The following ADPRM variants were observed in gnomAD, a reference collection of about 807,000 sequenced individuals.
ADPRM encodes ADP-ribose/CDP-alcohol diphosphatase, manganese dependent, also known as manganese-dependent ADP-ribose/CDP-alcohol diphosphatase.
A neutral mutation model predicts 27.2 loss-of-function variants in ADPRM; 17 were observed. The observed-to-expected ratio is 0.63, with a 90% CI of 0.43 to 0.94. The LOEUF (loss-of-function observed/expected upper bound fraction) is 0.94, where lower values mean the gene tolerates loss of function less well. Ranked by LOEUF, ADPRM falls within the 40% of genes least tolerant of loss-of-function variation. ADPRM has a pLI of 0.00. For synonymous variants in ADPRM, 135 were observed against 145.3 expected, an observed-to-expected ratio of 0.93 and a Z score of 0.51; for missense variants, 337 against 412.8, an observed-to-expected ratio of 0.82 and a Z score of 1.59.
chr17:10,704,468 ATG>A (rs1301746786), intron 1 of ADPRM, among the ~76,000 whole-genome samples: 2 of 144,232 alleles, frequency 1.4e-5, no homozygotes, highest in African/African-American at 5.2e-5. Flanking sequence ...CAGTGAATGA[ATG>A]TAATACACAG....
intron 3 of ADPRM, among the ~76,000 whole-genome samples, chr17:10,707,876 T>C (rs2074823906): frequency 6.6e-6 from 1 of 152,230 alleles, no homozygotes; most frequent in Non-Finnish European, 1.5e-5. Flanking sequence ...CAAGCGTGTA[T>C]GTGCGCATGG....
At chr17:10,709,025 C>T (rs573067141) in intron 3 of ADPRM, among the ~76,000 whole-genome samples, 3 of 152,176 alleles carry the variant, frequency 2.0e-5, no homozygotes, top group East Asian at 3.8e-4. Context: ...CTTTTAAAAA[C>T]GGAATGATTG....
intron 1 of ADPRM, chr17:10,699,307 G>T (rs1758738944): frequency 6.6e-6 from 1 of 151,846 alleles, no homozygotes; most frequent in South Asian, 2.1e-4. Flanking sequence ...ATAGTTCCTG[G>T]CTCAAAGTAG....
chr17:10,704,486 CAAAAA>C (rs201571510), intron 1 of ADPRM, among the ~76,000 whole-genome samples: 6 of 76,748 alleles, frequency 7.8e-5, no homozygotes, highest in African/African-American at 2.4e-4. Context: ...CACAGCTTTC[CAAAAA>C]AAAAAAAAAA....
intron 1 of ADPRM, among the ~76,000 whole-genome samples, chr17:10,700,185 C>G (rs2074767109): frequency 6.6e-6 from 1 of 152,194 alleles, no homozygotes; most frequent in African/African-American, 2.4e-5. Flanking sequence ...TCTAGACTTT[C>G]CCTGCTGCCC....
Position 10,702,310 on chromosome 17 carries a change from G to T in ADPRM, c.-17-2600G>T, listed in dbSNP as rs1480626781. Among the ~76,000 whole-genome samples, 3 of 152,162 alleles carry T rather than the reference G, an allele frequency of 2.0e-5. No individual in the cohort carries two copies. The highest frequency in any genetic ancestry group is 2.9e-5 in the Non-Finnish European group (2 of 68,022). On this transcript the variant is annotated intron_variant, in intron 1 of 3. Transcript: ENST00000379774. The surrounding 1 kb of genome is among the most constrained non-coding windows in gnomAD (Gnocchi z 4.2). ...TCCACATTAACTTTCCTTAAAAATT[G>T]CCAGTTCTTAGGATAGCCTTGAGTT...
intron 3 of ADPRM, among the ~76,000 whole-genome samples, chr17:10,707,890 C>G (rs193113524): frequency 6.6e-6 from 1 of 152,138 alleles, no homozygotes; most frequent in Non-Finnish European, 1.5e-5. Flanking sequence ...CGCATGGGCA[C>G]GTGAAAACAT....
chr17:10,697,760 CT>C, intron 1 of ADPRM, 93 bp downstream of exon 1: 1 of 568,644 alleles, frequency 1.8e-6, no homozygotes, highest in Non-Finnish European at 3.1e-6. Flanking sequence ...AGGGGGCTGC[CT>C]TAGGGGTCCA....
Position 10,698,202 on chromosome 17 carries a change from A to G in ADPRM, c.-18+535A>G, listed in dbSNP as rs866374809. 9 of 152,330 alleles carry G rather than the reference A, an allele frequency of 5.9e-5. No homozygotes were observed. In the South Asian group the frequency reaches 6.2e-4, roughly 10 times the overall value. The allele number at this position is 152,330 out of a possible 1,614,324, so 9.4% of individuals were successfully genotyped here. A position where few individuals can be genotyped will look rare whatever the true frequency, so the allele number is the denominator to read the frequency against. On this transcript the variant is annotated intron_variant, in intron 1 of 3. Coordinates refer to ENST00000379774, the MANE Select transcript of ADPRM (RefSeq NM_020233.5). Reference sequence around the variant, plus strand: ...TGTGTAAAGAAATATAGACAGCATGATATCCCATCCGTTAACTTAGTCTTC... The same window carrying G: ...TGTGTAAAGAAATATAGACAGCATGGTATCCCATCCGTTAACTTAGTCTTC...
At chr17:10,699,514 CTTTCTT>C (rs1232579976) in intron 1 of ADPRM, among the ~76,000 whole-genome samples, 2 of 137,422 alleles carry the variant, frequency 1.5e-5, no homozygotes, top group African/African-American at 5.4e-5. Flanking sequence ...TTTTTCTTTT[CTTTCTT>C]TTTTTTTTTT....
At chr17:10,701,855 A>G (rs545841359) in intron 1 of ADPRM, among the ~76,000 whole-genome samples, 14 of 152,268 alleles carry the variant, frequency 9.2e-5, no homozygotes, top group Non-Finnish European at 2.1e-4. Context: ...ACCAGGACCA[A>G]TCTTTCTGAG....
chr17:10,706,776 G>A (rs1193071309), intron 3 of ADPRM, among the ~76,000 whole-genome samples: 1 of 152,172 alleles, frequency 6.6e-6, no homozygotes, highest in East Asian at 1.9e-4. Context: ...ATTGGAGCCT[G>A]TGAGTTGGCC....
chr17:10,708,025 G>A (rs910962417), intron 3 of ADPRM, among the ~76,000 whole-genome samples: 33 of 152,116 alleles, frequency 2.2e-4, no homozygotes, highest in Non-Finnish European at 4.1e-4. Context: ...ACTGAGAGCT[G>A]GAAGGACAGG....
At chr17:10,699,768 G>A (rs532449371) in intron 1 of ADPRM, among the ~76,000 whole-genome samples, 2 of 152,018 alleles carry the variant, frequency 1.3e-5, no homozygotes, top group African/African-American at 4.8e-5. Context: ...TCCTGACATC[G>A]TGATCTGCCC....
chr17:10,711,149 A>G lies in ADPRM; in HGVS notation c.*5A>G. 1.3e-6 allele frequency: 2 copies of G among 1,588,776 alleles called. No homozygotes were observed. Among genetic ancestry groups the G allele is most frequent in the Non-Finnish European group, 1.7e-6 (2 of 1,164,760 alleles). ...GAAAGAGCCTTCCATTGTTAGTCTA[A>G]TTTATTTTAACTTGATAGAAAATGA... On this transcript the variant is annotated 3_prime_UTR_variant, in exon 4 of 4. Transcript: ENST00000379774.
At chr17:10,700,768 A>G (rs953709091) in intron 1 of ADPRM, among the ~76,000 whole-genome samples, 3 of 134,892 alleles carry the variant, frequency 2.2e-5, no homozygotes, top group Non-Finnish European at 4.6e-5. Context: ...TGTCTCAGGA[A>G]AAAAAAAAAA....
intron 3 of ADPRM, among the ~76,000 whole-genome samples, chr17:10,709,630 G>C (rs1425324767): frequency 6.6e-6 from 1 of 152,052 alleles, no homozygotes; most frequent in East Asian, 1.9e-4. Flanking sequence ...GCAGGGACTT[G>C]ATAGATGAGT....
intron 3 of ADPRM, 99 bp from the exon 4 acceptor site, chr17:10,710,735 T>A (rs1280474063): frequency 2.9e-6 from 1 of 349,894 alleles, no homozygotes; most frequent in Non-Finnish European, 3.9e-6. Context: ...GAGATAGCAA[T>A]TTTTTTTTCT....
chr17:10,699,828 G>A (rs928845360), intron 1 of ADPRM, among the ~76,000 whole-genome samples: 4 of 152,038 alleles, frequency 2.6e-5, no homozygotes, highest in Non-Finnish European at 5.9e-5. Flanking sequence ...CACCACACCC[G>A]GCCCCAATTT....
Sources: allele counts gnomAD v4.1 joint callset (sites outside exome capture counted in the v4.1 genomes callset), GRCh38; gene constraint gnomAD v4.1.1; non-coding constraint Gnocchi (gnomAD v3.1); transcripts MANE v1.5; gene names NCBI Gene and HGNC (gene_info 2026-07-23, HGNC 2026-07-21).